AGO3: variants seen among roughly 807,000 people sequenced by gnomAD.
AGO3 encodes the protein argonaute RISC catalytic component 3, also known as protein argonaute-3.
In AGO3, 16 loss-of-function variants were observed where a neutral mutation model predicts 105.5. The ratio of observed to expected loss-of-function variants is 0.15; its 90% confidence interval spans 0.10 to 0.23. The LOEUF (loss-of-function observed/expected upper bound fraction) is 0.23. AGO3 is among the 10% of genes least tolerant of loss of function. AGO3 has a pLI of 1.00. For missense variants in AGO3, 534 were observed against 1,088.0 expected (o/e 0.49, Z 7.16); for synonymous variants, 340 against 367.3 (o/e 0.93, Z 0.85).
chr1:35,935,571 G>A (rs555021115), intron 1 of AGO3, among the ~76,000 whole-genome samples: 6 of 152,206 alleles, frequency 3.9e-5, no homozygotes, highest in African/African-American at 4.8e-5. Flanking sequence ...GGAACATTGC[G>A]TTTTTTAGTT....
At chr1:35,969,744 G>T (rs1646833653) in intron 3 of AGO3, among the ~76,000 whole-genome samples, 1 of 151,980 alleles carries the variant, frequency 6.6e-6, no homozygotes. Context: ...AAACCTGAAT[G>T]GTATAGCTTA....
chr1:36,003,435 C>G (rs1052040982), intron 5 of AGO3, among the ~76,000 whole-genome samples: 1 of 151,974 alleles, frequency 6.6e-6, no homozygotes, highest in African/African-American at 2.4e-5. Flanking sequence ...TGGCTCATGC[C>G]TGTAATCCCA....
At chr1:35,961,956 C>T (rs765106204) in intron 2 of AGO3, among the ~76,000 whole-genome samples, 1 of 152,134 alleles carries the variant, frequency 6.6e-6, no homozygotes, top group Non-Finnish European at 1.5e-5. Flanking sequence ...TTAGGTATTA[C>T]AGTTACCCTT....
intron 5 of AGO3, among the ~76,000 whole-genome samples, chr1:35,993,559 G>A (rs938337496): frequency 2.0e-5 from 3 of 151,874 alleles, no homozygotes; most frequent in East Asian, 1.9e-4. Context: ...AAATTGACTC[G>A]AAAAAGAAGC....
At chr1:35,931,528 G>T in intron 1 of AGO3, 83 bp downstream of exon 1, 1 of 1,290,122 alleles carries the variant, frequency 7.8e-7, no homozygotes, top group Non-Finnish European at 1.0e-6. Context: ...GCCCGGCCCA[G>T]GTGCGCGAGG....
At chr1:36,045,197 A>G (rs1642412722) in intron 17 of AGO3, among the ~76,000 whole-genome samples, 1 of 152,132 alleles carries the variant, frequency 6.6e-6, no homozygotes, top group South Asian at 2.1e-4. Context: ...CTCCCCTCAC[A>G]AAGAAAGCCA....
At position 36,039,840 on chromosome 1, in the gene AGO3, A is replaced by T; in HGVS notation, c.1893A>T (p.Arg631Ser). 6.2e-7 allele frequency: 1 copy of T among 1,613,320 alleles called. No individual in the cohort carries two copies. Among genetic ancestry groups the T allele is most frequent in the Non-Finnish European group, 8.5e-7 (1 of 1,179,690 alleles). ...AHPSRYCATV[R>S]VQRPRQEIIQ... ...CAAGCAGATACTGTGCCACAGTAAG[A>T]GTTCAGAGACCCCGACAGGAGATCA... is the stretch of plus-strand genomic sequence containing the variant. Residue 631 changes from arginine to serine, a missense_variant, in exon 15 of 19, where the codon AGA (arginine) becomes AGT (serine). By Grantham distance (110) the Arg-to-Ser change is moderately radical. Transcript: ENST00000373191.
intron 2 of AGO3, among the ~76,000 whole-genome samples, chr1:35,956,062 A>C (rs1281213019): frequency 6.6e-6 from 1 of 152,148 alleles, no homozygotes; most frequent in African/African-American, 2.4e-5. Context: ...ATTAAATATA[A>C]ATATGTCTAA....
chr1:36,036,365 C>A, intron 14 of AGO3, 98 bp downstream of exon 14: 1 of 1,166,424 alleles, frequency 8.6e-7, no homozygotes, highest in Non-Finnish European at 1.3e-6. Context: ...TTGTAGCCAA[C>A]TTTCATAAAT....
Position 35,978,872 on chromosome 1 carries a change from A to C in AGO3, c.658+5361A>C, listed in dbSNP as rs564882228. 1.8e-3 allele frequency among the ~76,000 whole-genome samples: 268 copies of C among 152,316 alleles called. 1 individual carries two copies. The highest frequency in any genetic ancestry group is 5.9e-3 in the African/African-American group (247 of 41,580). On this transcript the variant is annotated intron_variant, in intron 5 of 18. Transcript: ENST00000373191. ...TGATCACTGTTTTAGCCGTATTACA[A>C]AGCTTCTAATATGTAGTATTTTTAT...
In AGO3 at chr1:36,062,159, C is replaced by CTTTTTTTT. The variant is rs57625856; in HGVS notation, c.*6428_*6435dup. 7.8e-6 allele frequency: 1 copy of CTTTTTTTT among 128,240 alleles called. No homozygotes were observed. Among genetic ancestry groups the CTTTTTTTT allele is most frequent in the Non-Finnish European group, 1.7e-5 (1 of 60,070 alleles). The allele number at this position is 128,240 out of a possible 1,614,324, so 7.9% of individuals were successfully genotyped here. ...TCATAGGCAACATTTTCTAATTAATCTTTTTTTTTTTTTTTTTTTTTGAGA... is the reference window on the plus strand; with the variant it reads ...TCATAGGCAACATTTTCTAATTAATCTTTTTTTTTTTTTTTTTTTTTTTTTTTTTGAGA... On this transcript the variant is annotated 3_prime_UTR_variant, in exon 19 of 19. Coordinates refer to ENST00000373191, the MANE Select transcript of AGO3 (RefSeq NM_024852.4).
rs1470362589 is a variant in AGO3, at chr1:36,066,273, C to G, written c.*10528C>G. On this transcript the variant is annotated 3_prime_UTR_variant, in exon 19 of 19. Coordinates refer to ENST00000373191, the MANE Select transcript of AGO3 (RefSeq NM_024852.4). ...TCTGATATTTAGTGCCTAAAACTTTCATCTTGGCCGGGCACGGTGGCTCAC... is the reference window on the plus strand; with the variant it reads ...TCTGATATTTAGTGCCTAAAACTTTGATCTTGGCCGGGCACGGTGGCTCAC... The G allele has an allele frequency of 2.0e-5, 3 of 152,180 alleles. No individual in the cohort carries two copies. The highest frequency in any genetic ancestry group is 6.5e-5 in the Admixed American group (1 of 15,274). 9.4% of individuals were successfully genotyped at this position (152,180 alleles called of 1,614,324 possible).
upstream of AGO3, chr1:35,930,902 CTCCGGCCGGCACGG>C (rs1049419521): frequency 1.6e-5 from 4 of 256,930 alleles, no homozygotes; most frequent in African/African-American, 9.1e-5. Flanking sequence ...TCCGCGTTGT[CTCCGGCCGGCACGG>C]CCCGGCGGGG....
chr1:36,055,578 G>A lies in AGO3; in HGVS notation c.2475-59G>A, dbSNP rs750570592. ...TTTTCTACAACAAATAGTATTTTTC[G>A]GAATTATTACATCAGAATAGAAAGT... On this transcript the variant is annotated intron_variant, in intron 18 of 18. Coordinates refer to ENST00000373191, the MANE Select transcript of AGO3 (RefSeq NM_024852.4). This position sits in a 1 kb window ranked among gnomAD's most constrained non-coding sequence, Gnocchi z 4.4. The A allele has an allele frequency of 5.9e-5, 87 of 1,477,446 alleles. No homozygotes were observed. Among genetic ancestry groups the A allele is most frequent in the East Asian group, 4.5e-4 (20 of 44,050 alleles). 91.5% of individuals were successfully genotyped at this position (1,477,446 alleles called of 1,614,324 possible).
In AGO3 at chr1:36,027,720, A is replaced by G. The variant is rs2148834583; in HGVS notation, c.1591+422A>G. On this transcript the variant is annotated intron_variant, in intron 12 of 18. Coordinates refer to ENST00000373191, the MANE Select transcript of AGO3 (RefSeq NM_024852.4). This position sits in a 1 kb window ranked among gnomAD's most constrained non-coding sequence, Gnocchi z 4.0. Reference sequence around the variant, plus strand: ...CGTGAACCCAGGAGGTGGAGCTTGCAGTGAGCCGAGATCGCACCGGTGCAC... The same window carrying G: ...CGTGAACCCAGGAGGTGGAGCTTGCGGTGAGCCGAGATCGCACCGGTGCAC... 6.6e-6 allele frequency among the ~76,000 whole-genome samples: 1 copy of G among 151,704 alleles called. No homozygotes were observed. The highest frequency in any genetic ancestry group is 1.9e-4 in the East Asian group (1 of 5,148).
chr1:35,967,551 A>T (rs1332482425), intron 3 of AGO3, among the ~76,000 whole-genome samples: 1 of 151,904 alleles, frequency 6.6e-6, no homozygotes, highest in Non-Finnish European at 1.5e-5. Flanking sequence ...AGTAGCTGGG[A>T]TTACAGGCAC....
chr1:36,024,136 CTTTTT>C (rs543123565), intron 11 of AGO3, among the ~76,000 whole-genome samples: 1 of 128,956 alleles, frequency 7.8e-6, no homozygotes, highest in Admixed American at 7.7e-5. Flanking sequence ...TGACTGACTC[CTTTTT>C]TTTTTTTTTT....
chr1:35,971,902 TA>T lies in AGO3; in HGVS notation c.313-121del, dbSNP rs1646877573. The T allele has an allele frequency of 9.2e-6, 8 of 871,312 alleles. No homozygotes were observed. In the South Asian group the frequency reaches 1.5e-4, roughly 16 times the overall value. The allele number at this position is 871,312 out of a possible 1,614,324, so 54.0% of individuals were successfully genotyped here. ...ATTTTATCTACAAAAAAAAATGGTA[TA>T]TTTTAGTCTATTGACTTTATTTTTG... On this transcript the variant is annotated intron_variant, in intron 3 of 18. Coordinates refer to ENST00000373191, the MANE Select transcript of AGO3 (RefSeq NM_024852.4).
At chr1:35,986,812 A>G (rs560153880) in intron 5 of AGO3, among the ~76,000 whole-genome samples, 71 of 151,878 alleles carry the variant, frequency 4.7e-4, no homozygotes, top group African/African-American at 1.6e-3. Flanking sequence ...CCTGGCCAAC[A>G]TGGCTTAACC....
Sources: gnomAD v4.1 joint callset for allele counts (sites outside exome capture counted in the v4.1 genomes callset) on GRCh38, gnomAD v4.1.1 for gene constraint, Gnocchi (gnomAD v3.1) non-coding constraint, MANE v1.5 for transcripts, NCBI Gene and HGNC (gene_info 2026-07-23, HGNC 2026-07-21) for gene names.